The following WRN variants were observed in gnomAD, a reference collection of about 807,000 sequenced individuals.
WRN encodes the protein bifunctional 3'-5' exonuclease/ATP-dependent helicase WRN.
Under a neutral mutation model 180.7 loss-of-function variants are expected in WRN, and 149 were observed. The ratio of observed to expected loss-of-function variants is 0.82; its 90% CI spans 0.72 to 0.94. WRN has a LOEUF of 0.94. WRN is among the 40% of genes least tolerant of loss of function. The pLI is 0.00. For synonymous variants in WRN, 548 were observed against 568.9 expected, an observed-to-expected ratio of 0.96 and a Z score of 0.52; for missense variants, 1,661 against 1,700.1, an observed-to-expected ratio of 0.98 and a Z score of 0.40.
In WRN at chr8:31,100,914, T is replaced by C. The variant is rs1177166077; in HGVS notation, c.2047T>C (p.Ser683Pro). The change falls in exon 18 of 35, where the codon TCA (serine) becomes CCA (proline). Residue 683 changes from serine (S) to proline (P), a missense_variant. Ser to Pro is a moderately conservative substitution (Grantham distance 74, BLOSUM62 -1). Coordinates refer to ENST00000298139, the MANE Select transcript of WRN (RefSeq NM_000553.6). ...TGAGTGGGGGCATGATTTTAGGGATTCATTCAGGAAGTTGGGCTCCCTAAA... is the reference window on the plus strand; with the variant it reads ...TGAGTGGGGGCATGATTTTAGGGATCCATTCAGGAAGTTGGGCTCCCTAAA... ...ISEWGHDFRD[S>P]FRKLGSLKTA... 1.2e-6 allele frequency: 2 copies of C among 1,614,008 alleles called. No individual in the cohort carries two copies. Among genetic ancestry groups the C allele is most frequent in the East Asian group, 4.5e-5 (2 of 44,874 alleles).
intron 23 of WRN, 39 bp downstream of exon 23, chr8:31,125,039 T>C: frequency 1.3e-6 from 2 of 1,561,544 alleles, no homozygotes; most frequent in Non-Finnish European, 8.8e-7. Flanking sequence ...TCTAAAAGTC[T>C]TTCTTTCTCT....
chr8:31,121,176 A>G (rs1355406065), intron 21 of WRN, among the ~76,000 whole-genome samples: 2 of 151,992 alleles, frequency 1.3e-5, no homozygotes, highest in African/African-American at 2.4e-5. Context: ...AAAGAATCTC[A>G]GGAGAAAAAC....
At chr8:31,045,365 C>A (rs1319952006) in intron 1 of WRN, among the ~76,000 whole-genome samples, 1 of 151,626 alleles carries the variant, frequency 6.6e-6, no homozygotes, top group Non-Finnish European at 1.5e-5. Context: ...CATGCTATGT[C>A]TGATCTGTTT....
intron 3 of WRN, 135 bp downstream of exon 3, chr8:31,059,400 C>T: frequency 1.5e-6 from 1 of 688,568 alleles, no homozygotes; most frequent in Non-Finnish European, 2.6e-6. Flanking sequence ...TATACACTAT[C>T]ACCAAGTTTT....
chr8:31,049,987 A>G (rs1203492521), intron 1 of WRN, among the ~76,000 whole-genome samples: 2 of 152,048 alleles, frequency 1.3e-5, no homozygotes, highest in Admixed American at 6.6e-5. Context: ...ATATAATCCC[A>G]TTTTACAAAT....
chr8:31,042,365 A>T (rs767668537), intron 1 of WRN, among the ~76,000 whole-genome samples: 2 of 152,178 alleles, frequency 1.3e-5, no homozygotes, highest in Non-Finnish European at 2.9e-5. Flanking sequence ...ATTAATGGCT[A>T]TAGTTTTGAT....
chr8:31,119,579 G>A (rs1265395357), intron 20 of WRN, among the ~76,000 whole-genome samples: 4 of 151,834 alleles, frequency 2.6e-5, no homozygotes, highest in East Asian at 1.9e-4. Flanking sequence ...CTAGATTAGT[G>A]TATACGATTT....
In WRN at chr8:31,087,877, T is replaced by A. The variant is rs531326550; in HGVS notation, c.1533T>A (p.Asp511Glu). 2 of 1,613,296 alleles carry A rather than the reference T, an allele frequency of 1.2e-6. No individual in the cohort carries two copies. Among genetic ancestry groups the A allele is most frequent in the South Asian group, 2.2e-5 (2 of 91,052 alleles). The stretch of plus-strand genomic sequence containing the variant: ...TTCCTACTAAAGAAGAAGAAGAAGA[T>A]GATGAAAATGAAGCTAATGAAGGGG... The part of the protein sequence containing the change: ...LGLPTKEEEE[D>E]DENEANEGEE... Residue 511 changes from aspartate (D) to glutamate (E), a missense_variant, in exon 12 of 35, where the codon GAT becomes GAA. Asp to Glu is a conservative substitution (Grantham distance 45). Around this residue, in one of 3 missense-constraint regions of WRN, gnomAD observed 1,141 missense variants for 1,149.4 expected, o/e 0.99. Transcript: ENST00000298139.
intron 24 of WRN, among the ~76,000 whole-genome samples, chr8:31,138,516 A>AT (rs1419601738): frequency 6.6e-6 from 1 of 152,130 alleles, no homozygotes; most frequent in Non-Finnish European, 1.5e-5. Flanking sequence ...ATTAATTGTA[A>AT]TTCTCATGTT....
rs181104145 is a variant in WRN, at chr8:31,122,428, G to A, written c.2630+2004G>A. Among the ~76,000 whole-genome samples, 3 of 152,118 alleles carry A rather than the reference G, an allele frequency of 2.0e-5. No individual in the cohort carries two copies. In the East Asian group the frequency reaches 5.8e-4, roughly 29 times the overall value. ...ATTCTATCACTGAGAGAAGAAACTTGTCCAGTCATCATGTAATCTTCATGT... is the reference window on the plus strand; with the variant it reads ...ATTCTATCACTGAGAGAAGAAACTTATCCAGTCATCATGTAATCTTCATGT... On this transcript the variant is annotated intron_variant, in intron 21 of 34. Transcript: ENST00000298139.
intron 16 of WRN, among the ~76,000 whole-genome samples, chr8:31,094,819 A>G (rs534066914): frequency 5.3e-5 from 8 of 152,318 alleles, no homozygotes; most frequent in Admixed American, 5.2e-4. Flanking sequence ...TTATGACTGA[A>G]TAATATTCCA....
intron 21 of WRN, among the ~76,000 whole-genome samples, chr8:31,123,929 G>T (rs1167606699): frequency 1.3e-5 from 2 of 151,972 alleles, no homozygotes; most frequent in African/African-American, 4.8e-5. Flanking sequence ...ATTTGATATG[G>T]CAAACAAATC....
chr8:31,098,065 A>T (rs566670672), intron 17 of WRN, among the ~76,000 whole-genome samples: 1 of 152,148 alleles, frequency 6.6e-6, no homozygotes, highest in African/African-American at 2.4e-5. Flanking sequence ...CTTTTTTATT[A>T]TGTGTTAAAA....
At chr8:31,132,270 A>G (rs2130376125) in intron 23 of WRN, 95 bp from the exon 24 acceptor site, 3 of 1,468,830 alleles carry the variant, frequency 2.0e-6, no homozygotes, top group East Asian at 2.4e-5. Context: ...CATTTGAGAT[A>G]TTTTTTACTT....
Position 31,154,651 on chromosome 8 carries a change from CAAG to C in WRN, c.3721_3723del (p.Glu1241del), listed in dbSNP as rs1803302755. 6 of 1,613,338 alleles carry C rather than the reference CAAG, an allele frequency of 3.7e-6. No homozygotes were observed. Among genetic ancestry groups the C allele is most frequent in the Non-Finnish European group, 4.2e-6 (5 of 1,179,604 alleles). On this transcript the variant is annotated inframe_deletion, in exon 32 of 35. Transcript: ENST00000298139. ...AGACCTCTTTTCAAGTACAAAACCT[CAAG>C]AAGAACAGAAGACGAGTCTGGTAGC... is the stretch of plus-strand genomic sequence containing the variant.
intron 16 of WRN, among the ~76,000 whole-genome samples, chr8:31,093,455 A>G (rs1334535663): frequency 6.6e-6 from 1 of 152,068 alleles, no homozygotes; most frequent in Non-Finnish European, 1.5e-5. Flanking sequence ...ATTGTATTTC[A>G]TTGAATATAG....
Position 31,116,549 on chromosome 8 carries a change from T to G in WRN, c.2448+21T>G, listed in dbSNP as rs773873583. The G allele has an allele frequency of 3.1e-6, 5 of 1,612,492 alleles. No homozygotes were observed. The African/African-American group carries it at 6.7e-5, about 22-fold the overall frequency. On this transcript the variant is annotated intron_variant, in intron 20 of 34. Transcript: ENST00000298139. The stretch of plus-strand genomic sequence containing the variant: ...TTCAGGTATGAGGATCAATCATCAT[T>G]GCTCTCCGTTGCTCATAGTGGAAGT...
chr8:31,037,162 A>G (rs1203859626), intron 1 of WRN, among the ~76,000 whole-genome samples: 2 of 152,212 alleles, frequency 1.3e-5, no homozygotes, highest in Non-Finnish European at 2.9e-5. Flanking sequence ...TGAGGGTCCT[A>G]TCTGGGAGTG....
chr8:31,041,036 CA>C (rs1486455095), intron 1 of WRN, among the ~76,000 whole-genome samples: 1 of 152,074 alleles, frequency 6.6e-6, no homozygotes. Context: ...TCCATAGTTA[CA>C]TAAGAAAAGG....
Sources: allele counts gnomAD v4.1 joint callset (sites outside exome capture counted in the v4.1 genomes callset), GRCh38; gene constraint gnomAD v4.1.1; regional missense constraint gnomAD v4.1.1; transcripts MANE v1.5; gene names NCBI Gene and HGNC (gene_info 2026-07-23, HGNC 2026-07-21).